RBFOX1: variants seen among roughly 807,000 people sequenced by gnomAD.
The protein encoded by RBFOX1 is RNA binding fox-1 homolog 1, also known as RNA binding protein fox-1 homolog 1.
In RBFOX1, 8 loss-of-function variants were observed where a neutral mutation model predicts 57.7. That is an observed-to-expected ratio of 0.14 (90% CI 0.08 to 0.25). The LOEUF is 0.25. Ranked by LOEUF, RBFOX1 falls within the 10% of genes least tolerant of loss-of-function variation. RBFOX1 has a pLI of 1.00. For synonymous variants in RBFOX1, 326 were observed against 222.4 expected (o/e 1.47, Z -4.15); for missense variants, 611 against 548.5 (o/e 1.11, Z -1.14).
At chr16:5,640,973 CACAT>C (rs1376203692) in intron 3 of RBFOX1, among the ~76,000 whole-genome samples, 2 of 151,352 alleles carry the variant, frequency 1.3e-5, no homozygotes, top group African/African-American at 4.9e-5. Flanking sequence ...CACATGCACA[CACAT>C]ACATGCATAT....
chr16:5,629,050 C>T (rs2048425989), intron 3 of RBFOX1, among the ~76,000 whole-genome samples: 2 of 152,002 alleles, frequency 1.3e-5, no homozygotes, highest in Admixed American at 1.3e-4. Flanking sequence ...GTAGGGCAAA[C>T]AAATGCACCA....
intron 4 of RBFOX1, among the ~76,000 whole-genome samples, chr16:7,203,996 T>C (rs1340571631): frequency 6.6e-6 from 1 of 152,256 alleles, no homozygotes; most frequent in Non-Finnish European, 1.5e-5. Flanking sequence ...ACTTACGTTA[T>C]ATTTTAAGAC....
At chr16:7,228,370 G>T (rs1449813206) in intron 4 of RBFOX1, among the ~76,000 whole-genome samples, 1 of 152,112 alleles carries the variant, frequency 6.6e-6, no homozygotes, top group Non-Finnish European at 1.5e-5. Flanking sequence ...ACCCCCCGCT[G>T]TCATTATCAA....
At chr16:6,755,794 C>G (rs1603568971) in intron 3 of RBFOX1, among the ~76,000 whole-genome samples, 1 of 152,166 alleles carries the variant, frequency 6.6e-6, no homozygotes, top group South Asian at 2.1e-4. Flanking sequence ...CTTCTTTTAA[C>G]TGTTGCCCCT....
intron 3 of RBFOX1, among the ~76,000 whole-genome samples, chr16:6,966,406 A>G (rs1367174907): frequency 2.6e-5 from 4 of 152,106 alleles, no homozygotes; most frequent in Non-Finnish European, 5.9e-5. Context: ...GAAGGGGTAC[A>G]TGACCCTGGG....
chr16:7,155,312 G>A (rs1419100727), intron 4 of RBFOX1, among the ~76,000 whole-genome samples: 6 of 152,040 alleles, frequency 3.9e-5, no homozygotes, highest in Admixed American at 3.9e-4. Flanking sequence ...TGGAGGATTG[G>A]CCAGGTACAG....
intron 5 of RBFOX1, among the ~76,000 whole-genome samples, chr16:7,528,540 C>G (rs533937132): frequency 2.1e-4 from 32 of 152,224 alleles, no homozygotes; most frequent in African/African-American, 7.2e-4. Flanking sequence ...TGCTATGGCA[C>G]CATCTTAGTT....
intron 14 of RBFOX1, among the ~76,000 whole-genome samples, chr16:7,697,131 A>C (rs550922673): frequency 6.2e-4 from 94 of 152,334 alleles, no homozygotes; most frequent in African/African-American, 2.1e-3. Context: ...CCAAACTGCC[A>C]AAGAACAGAA....
At chr16:6,492,721 G>C (rs10438591) in intron 2 of RBFOX1, among the ~76,000 whole-genome samples, 125,066 of 152,144 alleles carry the variant, frequency 0.82, 51,986 homozygotes, top group Non-Finnish European at 0.89. Context: ...CTGGAGCGGA[G>C]GAAATACCTA....
chr16:7,450,820 A>T lies in RBFOX1; in HGVS notation c.28-67327A>T, dbSNP rs527630346. 2.0e-5 allele frequency among the ~76,000 whole-genome samples: 3 copies of T among 152,214 alleles called. No homozygotes were observed. The East Asian group carries it at 5.8e-4, about 29-fold the overall frequency. Reference sequence around the variant, plus strand: ...AGGCTCAATGACAGCAGGAGGATTCAGGGGTCTGGTGGGGTGGATGGCATG... The same window carrying T: ...AGGCTCAATGACAGCAGGAGGATTCTGGGGTCTGGTGGGGTGGATGGCATG... On this transcript the variant is annotated intron_variant, in intron 4 of 15. Transcript: ENST00000550418.
intron 1 of RBFOX1, among the ~76,000 whole-genome samples, chr16:5,463,629 G>T (rs572580119): frequency 6.6e-6 from 1 of 151,802 alleles, no homozygotes; most frequent in Non-Finnish European, 1.5e-5. Context: ...GTGAAACCCT[G>T]TGTCCACTAA....
intron 2 of RBFOX1, among the ~76,000 whole-genome samples, chr16:5,555,312 G>A (rs1051454826): frequency 6.6e-6 from 1 of 152,058 alleles, no homozygotes; most frequent in African/African-American, 2.4e-5. Flanking sequence ...GGAGTGCAGT[G>A]GTGTGATCTC....
chr16:6,823,622 C>T (rs753659255), intron 3 of RBFOX1, among the ~76,000 whole-genome samples: 14 of 152,096 alleles, frequency 9.2e-5, no homozygotes, highest in African/African-American at 3.4e-4. Flanking sequence ...CACCAGTTTT[C>T]CTCCCTTGAT....
intron 2 of RBFOX1, among the ~76,000 whole-genome samples, chr16:6,606,886 C>T (rs183565634): frequency 6.6e-6 from 1 of 152,044 alleles, no homozygotes; most frequent in African/African-American, 2.4e-5. Context: ...AATAGGATTG[C>T]TGGGTCAAAT....
intron 4 of RBFOX1, among the ~76,000 whole-genome samples, chr16:7,054,491 T>C (rs1397136746): frequency 7.2e-6 from 1 of 138,042 alleles, no homozygotes; most frequent in Non-Finnish European, 1.5e-5. Flanking sequence ...TCCGCCAGCC[T>C]CGGCCCCCCA....
chr16:6,501,254 AG>A (rs1269753938), intron 2 of RBFOX1, among the ~76,000 whole-genome samples: 16 of 146,812 alleles, frequency 1.1e-4, no homozygotes, highest in African/African-American at 3.6e-4. Context: ...CTCTTCATTT[AG>A]CATTAGGTAT....
At chr16:5,562,247 G>T (rs951567238) in intron 2 of RBFOX1, among the ~76,000 whole-genome samples, 2 of 152,176 alleles carry the variant, frequency 1.3e-5, no homozygotes, top group African/African-American at 4.8e-5. Context: ...TGTGGAAATT[G>T]GAGGTCTGCA....
At chr16:5,935,282 C>A (rs1235419379) in intron 4 of RBFOX1, among the ~76,000 whole-genome samples, 1 of 152,106 alleles carries the variant, frequency 6.6e-6, no homozygotes, top group African/African-American at 2.4e-5. Context: ...ACTCATGTTC[C>A]CAAGAGTAGG....
chr16:5,481,211 C>T (rs758831645), intron 2 of RBFOX1, among the ~76,000 whole-genome samples: 2 of 152,180 alleles, frequency 1.3e-5, no homozygotes, highest in Non-Finnish European at 2.9e-5. Context: ...GTCTGGCTTC[C>T]TCATTAGACT....
Sources: allele counts gnomAD v4.1 joint callset (sites outside exome capture counted in the v4.1 genomes callset), GRCh38; gene constraint gnomAD v4.1.1; transcripts MANE v1.5; gene names NCBI Gene and HGNC (gene_info 2026-07-23, HGNC 2026-07-21).